The following MYCBP2 variants were observed in gnomAD, a reference collection of about 807,000 sequenced individuals.
MYCBP2 encodes the protein MYC binding protein 2, also known as E3 ubiquitin-protein ligase MYCBP2.
In MYCBP2, 120 loss-of-function variants were observed where a neutral mutation model predicts 525.3. That is an observed-to-expected ratio of 0.23 (90% CI 0.20 to 0.27). The LOEUF is 0.27. Ranked by LOEUF, MYCBP2 falls within the 10% of genes least tolerant of loss-of-function variation. The pLI is 1.00. For synonymous variants in MYCBP2, 1,894 were observed against 1,955.8 expected, an observed-to-expected ratio of 0.97 and a Z score of 0.83; for missense variants, 4,149 against 5,657.1, an observed-to-expected ratio of 0.73 and a Z score of 8.55.
chr13:77,231,773 G>A (rs2067168405), intron 18 of MYCBP2, among the ~76,000 whole-genome samples: 1 of 152,058 alleles, frequency 6.6e-6, no homozygotes, highest in African/African-American at 2.4e-5. Flanking sequence ...ATATATTTGG[G>A]GGAAGAAAGA....
chr13:77,051,811 C>G lies in MYCBP2; in HGVS notation c.13755G>C (p.Gln4585His). The G allele has an allele frequency of 6.2e-7, 1 of 1,611,334 alleles. No individual in the cohort carries two copies. Reference sequence around the variant, plus strand: ...GTTTCTAATAAAATGTTCTGCCTACCTGAGCCCTGGAAACATCAGAACAGG... The same window carrying G: ...GTTTCTAATAAAATGTTCTGCCTACGTGAGCCCTGGAAACATCAGAACAGG... ...CGACSDVSRAQMCPKHGTDFL... is the reference protein window; with the variant it reads ...CGACSDVSRAHMCPKHGTDFL... The change falls in exon 81 of 83, where the codon CAG becomes CAC. Residue 4585 changes from glutamine to histidine, a missense_variant and splice_region_variant. This residue lies in a region of MYCBP2 where 45 missense variants were observed against 130.1 expected (regional missense o/e 0.35). Transcript: ENST00000544440.
intron 1 of MYCBP2, among the ~76,000 whole-genome samples, chr13:77,300,887 G>C (rs1820104565): frequency 6.6e-6 from 1 of 152,198 alleles, no homozygotes; most frequent in Non-Finnish European, 1.5e-5. Context: ...AGGCAGCTGA[G>C]ACCACTGGCT....
At chr13:77,084,883 CAA>C (rs1486178438) in intron 62 of MYCBP2, among the ~76,000 whole-genome samples, 1 of 151,948 alleles carries the variant, frequency 6.6e-6, no homozygotes, top group Non-Finnish European at 1.5e-5. Context: ...TCCCACATCC[CAA>C]AGTTACAGTC....
intron 3 of MYCBP2, among the ~76,000 whole-genome samples, chr13:77,285,810 C>G (rs9565331): frequency 0.035 from 4,615 of 131,690 alleles, 211 homozygotes; most frequent in East Asian, 0.18. Context: ...AAGGGAAAGG[C>G]AAAGGAAAAG....
intron 75 of MYCBP2, 95 bp downstream of exon 75, chr13:77,061,567 G>T: frequency 7.1e-7 from 1 of 1,409,672 alleles, no homozygotes; most frequent in Non-Finnish European, 9.5e-7. Flanking sequence ...TGATTCCAAA[G>T]TCCACTTTTT....
intron 1 of MYCBP2, among the ~76,000 whole-genome samples, chr13:77,310,136 C>T (rs1297592938): frequency 1.3e-5 from 2 of 151,978 alleles, no homozygotes; most frequent in Non-Finnish European, 2.9e-5. Context: ...AAAAAGAAAA[C>T]AAACAAAAAA....
In MYCBP2 at chr13:77,126,304, A is replaced by G. The variant is rs751674483; in HGVS notation, c.7884+14T>C. On this transcript the variant is annotated intron_variant, in intron 53 of 82. Transcript: ENST00000544440. ...TGAGTATCTTAGAAGTCATGAAGCT[A>G]CAAGAATCCATACCTCTCCCACTGC... is the stretch of plus-strand genomic sequence containing the variant. The G allele has an allele frequency of 1.2e-6, 2 of 1,606,966 alleles. No homozygotes were observed. Among genetic ancestry groups the G allele is most frequent in the Non-Finnish European group, 1.7e-6 (2 of 1,174,164 alleles).
rs769880965 is a variant in MYCBP2 at position 77,157,961 on chromosome 13, C to G, written c.6746G>C (p.Gly2249Ala). The change falls in exon 45 of 83, where the codon GGA becomes GCA. Residue 2249 changes from glycine (G) to alanine (A), a missense_variant. By Grantham distance (60) the Gly-to-Ala change is moderately conservative. Coordinates refer to ENST00000544440, the MANE Select transcript of MYCBP2 (RefSeq NM_015057.5). ...CCTTGCAAGCCTTCCACCACTTGAT[C>G]CTGGGACACAGGCAATAAAATCATC... Reference protein sequence around the residue: ...FLDDFIACVPGSSGGRLARWL... With the variant: ...FLDDFIACVPASSGGRLARWL... 6.2e-7 allele frequency: 1 copy of G among 1,612,760 alleles called. No homozygotes were observed. The highest frequency in any genetic ancestry group is 8.5e-7 in the Non-Finnish European group (1 of 1,179,594).
intron 17 of MYCBP2, among the ~76,000 whole-genome samples, chr13:77,241,121 T>TA (rs1401942246): frequency 6.6e-6 from 1 of 152,174 alleles, no homozygotes; most frequent in Non-Finnish European, 1.5e-5. Flanking sequence ...ATTTTTTTTT[T>TA]AACTTTAAAG....
intron 68 of MYCBP2, chr13:77,075,559 C>T (rs1249341509): frequency 6.6e-6 from 1 of 152,316 alleles, no homozygotes; most frequent in Non-Finnish European, 1.5e-5. Flanking sequence ...CCTTCTCTGA[C>T]CACTCCAGGG....
intron 37 of MYCBP2, among the ~76,000 whole-genome samples, chr13:77,172,060 C>T (rs1035733197): frequency 1.3e-5 from 2 of 152,050 alleles, no homozygotes; most frequent in Admixed American, 6.6e-5. Context: ...ACCACCACGC[C>T]CAGCTAATTT....
chr13:77,293,740 C>G (rs1012521087), intron 2 of MYCBP2, among the ~76,000 whole-genome samples: 1 of 152,028 alleles, frequency 6.6e-6, no homozygotes, highest in South Asian at 2.1e-4. Flanking sequence ...CTCAACCAAC[C>G]GCCACTGGCT....
intron 12 of MYCBP2, 124 bp downstream of exon 12, chr13:77,261,047 A>G: frequency 2.9e-6 from 2 of 696,192 alleles, no homozygotes; most frequent in Non-Finnish European, 4.7e-6. Context: ...CATCAAGTCA[A>G]TGATATATAT....
At chr13:77,056,107 T>C (rs1467669584) in intron 79 of MYCBP2, among the ~76,000 whole-genome samples, 1 of 109,990 alleles carries the variant, frequency 9.1e-6, no homozygotes. Context: ...TTGGTGTGTG[T>C]GTGTGTGTGT....
chr13:77,079,343 G>A (rs1012881824), intron 65 of MYCBP2, among the ~76,000 whole-genome samples: 1 of 152,104 alleles, frequency 6.6e-6, no homozygotes, highest in Non-Finnish European at 1.5e-5. Flanking sequence ...TATGAGAGGA[G>A]GTTCTATCCC....
chr13:77,079,020 C>A (rs770810434), intron 65 of MYCBP2, 131 bp from the exon 66 acceptor site: 189 of 669,728 alleles, frequency 2.8e-4, no homozygotes, highest in Non-Finnish European at 4.6e-4. Context: ...ATTGACCCCA[C>A]CCCATCCCTC....
At chr13:77,070,609 A>T (rs1312405320) in intron 69 of MYCBP2, 22 bp downstream of exon 69, 1 of 1,543,312 alleles carries the variant, frequency 6.5e-7, no homozygotes, top group East Asian at 2.3e-5. Flanking sequence ...TAATGAAGAC[A>T]ATGAAATAGC....
chr13:77,204,238 G>A (rs1253363746), intron 26 of MYCBP2, among the ~76,000 whole-genome samples: 1 of 151,920 alleles, frequency 6.6e-6, no homozygotes, highest in African/African-American at 2.4e-5. Flanking sequence ...GTGGGTGAAG[G>A]ACATGAACAG....
chr13:77,179,704 A>G (rs1213666442), intron 34 of MYCBP2, among the ~76,000 whole-genome samples: 4 of 152,226 alleles, frequency 2.6e-5, no homozygotes, highest in Non-Finnish European at 5.9e-5. Flanking sequence ...TTAAGTATGT[A>G]TTTCTCTAGG....
Sources: allele counts gnomAD v4.1 joint callset (sites outside exome capture counted in the v4.1 genomes callset), GRCh38; gene constraint gnomAD v4.1.1; regional missense constraint gnomAD v4.1.1; transcripts MANE v1.5; gene names NCBI Gene and HGNC (gene_info 2026-07-23, HGNC 2026-07-21).